Variants in AFG2A observed in about 807,000 individuals in gnomAD.
AFG2A encodes the protein ATPase family gene 2 protein homolog A.
the AFG2A span, among the ~76,000 whole-genome samples, chr4:122,975,840 G>A: frequency 6.6e-6 from 1 of 152,078 alleles, no homozygotes; most frequent in Admixed American, 6.5e-5. Context: ...CCATCTTTCA[G>A]CATTTTGGAA....
the AFG2A span, among the ~76,000 whole-genome samples, chr4:123,184,744 G>T: frequency 6.6e-6 from 1 of 151,168 alleles, no homozygotes; most frequent in Non-Finnish European, 1.5e-5. Context: ...CACCGTTTTA[G>T]CCGGGATGGT....
the AFG2A span, among the ~76,000 whole-genome samples, chr4:123,137,604 A>C: frequency 1.3e-5 from 2 of 152,142 alleles, no homozygotes; most frequent in African/African-American, 4.8e-5. Context: ...GTTGACTTTC[A>C]TATAGATAGC....
At chr4:123,225,415 A>G in the AFG2A span, among the ~76,000 whole-genome samples, 1 of 152,308 alleles carries the variant, frequency 6.6e-6, no homozygotes. Context: ...ATCCAGTTTC[A>G]GCTTTCTACA....
the AFG2A span, among the ~76,000 whole-genome samples, chr4:123,286,299 T>C: frequency 6.6e-6 from 1 of 152,220 alleles, no homozygotes; most frequent in African/African-American, 2.4e-5. Context: ...AACTTGAAAC[T>C]AAGTAGTCTT....
At chr4:123,210,858 T>G in the AFG2A span, among the ~76,000 whole-genome samples, 1 of 152,078 alleles carries the variant, frequency 6.6e-6, no homozygotes, top group African/African-American at 2.4e-5. Context: ...CCAACCCTAA[T>G]TTTTTTATCT....
the AFG2A span, among the ~76,000 whole-genome samples, chr4:123,284,857 A>G: frequency 6.6e-6 from 1 of 152,228 alleles, no homozygotes. Flanking sequence ...TACGAATGCC[A>G]GGATGTGAAT....
At chr4:123,314,004 T>C in the AFG2A span, 1 of 1,611,082 alleles carries the variant, frequency 6.2e-7, no homozygotes, top group Non-Finnish European at 8.5e-7. Context: ...CTAGAATTCC[T>C]GAGTCATTGA....
At chr4:123,309,137 A>G in the AFG2A span, among the ~76,000 whole-genome samples, 6 of 152,258 alleles carry the variant, frequency 3.9e-5, no homozygotes, top group Non-Finnish European at 5.9e-5. Context: ...CCATTAAACC[A>G]TTTATAGATA....
At chr4:123,261,171 C>T in the AFG2A span, among the ~76,000 whole-genome samples, 1 of 152,164 alleles carries the variant, frequency 6.6e-6, no homozygotes, top group Admixed American at 6.5e-5. Context: ...TATGGACTGT[C>T]TGCAACCTAC....
chr4:123,116,793 G>C, the AFG2A span, among the ~76,000 whole-genome samples: 1 of 152,154 alleles, frequency 6.6e-6, no homozygotes, highest in African/African-American at 2.4e-5. Context: ...AGACAATATG[G>C]TGATCTTGTG....
At chr4:123,060,629 G>C in the AFG2A span, among the ~76,000 whole-genome samples, 4 of 152,240 alleles carry the variant, frequency 2.6e-5, no homozygotes, top group East Asian at 7.8e-4. Context: ...TGGCAGGGGG[G>C]GCCCTGGACC....
chr4:123,153,166 C>T, the AFG2A span, among the ~76,000 whole-genome samples: 1 of 152,150 alleles, frequency 6.6e-6, no homozygotes, highest in African/African-American at 2.4e-5. Flanking sequence ...CAGTGGCTCA[C>T]CTATGTGTCT....
the AFG2A span, among the ~76,000 whole-genome samples, chr4:122,968,363 A>T: frequency 2.0e-5 from 3 of 152,324 alleles, no homozygotes; most frequent in East Asian, 5.8e-4. Context: ...CAAAGTGAAC[A>T]CACTTGTGTA....
the AFG2A span, among the ~76,000 whole-genome samples, chr4:123,249,502 C>A: frequency 1.3e-5 from 2 of 152,008 alleles, no homozygotes; most frequent in South Asian, 4.1e-4. Flanking sequence ...AAGGTATTTG[C>A]AGTTAAAATG....
the AFG2A span, among the ~76,000 whole-genome samples, chr4:123,234,457 C>T: frequency 6.6e-6 from 1 of 151,912 alleles, no homozygotes; most frequent in Non-Finnish European, 1.5e-5. Context: ...TAGTAGGAAC[C>T]CAATAACATT....
the AFG2A span, among the ~76,000 whole-genome samples, chr4:123,167,279 T>G: frequency 1.3e-5 from 2 of 150,262 alleles, no homozygotes; most frequent in Non-Finnish European, 3.0e-5. Context: ...TATATATAGC[T>G]TTTTGGGGGG....
chr4:122,979,709 C>T, the AFG2A span, among the ~76,000 whole-genome samples: 20 of 151,982 alleles, frequency 1.3e-4, no homozygotes, highest in African/African-American at 4.6e-4. Context: ...TTGAGACCAG[C>T]CTGGTTAACA....
At chr4:123,218,879 A>G in the AFG2A span, among the ~76,000 whole-genome samples, 1 of 152,210 alleles carries the variant, frequency 6.6e-6, no homozygotes, top group East Asian at 1.9e-4. Flanking sequence ...ATGGTTAACT[A>G]TGGCCAGACC....
chr4:123,203,673 G>A, the AFG2A span, among the ~76,000 whole-genome samples: 3 of 152,196 alleles, frequency 2.0e-5, no homozygotes, highest in African/African-American at 7.2e-5. Context: ...GTTGTTTCCA[G>A]TTTTGGACTA....
Sources: gnomAD v4.1 joint callset for allele counts (sites outside exome capture counted in the v4.1 genomes callset) on GRCh38, gnomAD v4.1.1 for gene constraint, MANE v1.5 for transcripts, NCBI Gene and HGNC (gene_info 2026-07-23, HGNC 2026-07-21) for gene names.